Variants in KDM5B observed in about 807,000 individuals in gnomAD.
KDM5B encodes the protein lysine-specific demethylase 5B.
KDM5B carries 144 observed loss-of-function variants against 193.4 expected under a neutral mutation model. The observed-to-expected ratio is 0.74, with a 90% CI of 0.65 to 0.86. KDM5B has a LOEUF of 0.86. Ranked by LOEUF, KDM5B falls within the 40% of genes least tolerant of loss-of-function variation. The pLI, the probability that KDM5B is intolerant of heterozygous loss-of-function variation, is 0.00. For synonymous variants in KDM5B, 668 were observed against 682.6 expected, an observed-to-expected ratio of 0.98 and a Z score of 0.33; for missense variants, 1,833 against 1,886.9, an observed-to-expected ratio of 0.97 and a Z score of 0.53.
chr1:202,730,845 A>T (rs1400454444), intron 25 of KDM5B, 64 bp downstream of exon 25: 19 of 1,461,392 alleles, frequency 1.3e-5, no homozygotes, highest in Non-Finnish European at 1.7e-5. Flanking sequence ...TGTTTCGAGG[A>T]GTAAAATAAA....
rs1656487182 is a variant in KDM5B at position 202,766,914 on chromosome 1, T to C, written c.711+12A>G. ...GAGAATTCCTTTTAAATTAACCTCATGAGGCTCTTACCTCTGCTCTCATGC... is the reference window on the plus strand; with the variant it reads ...GAGAATTCCTTTTAAATTAACCTCACGAGGCTCTTACCTCTGCTCTCATGC... On this transcript the variant is annotated intron_variant, in intron 5 of 26. Transcript: ENST00000367265. The C allele has an allele frequency of 1.3e-6, 2 of 1,564,598 alleles. No individual in the cohort carries two copies. Among genetic ancestry groups the C allele is most frequent in the South Asian group, 1.2e-5 (1 of 82,116 alleles).
At chr1:202,774,892 T>G (rs1276498702) in intron 2 of KDM5B, among the ~76,000 whole-genome samples, 157 bp from the exon 3 acceptor site, 3 of 152,190 alleles carry the variant, frequency 2.0e-5, no homozygotes, top group Admixed American at 1.3e-4. Context: ...ATAATACCAC[T>G]TTCTAAATTC....
intron 2 of KDM5B, among the ~76,000 whole-genome samples, chr1:202,775,699 T>C (rs1381198614): frequency 1.4e-5 from 2 of 145,224 alleles, no homozygotes; most frequent in African/African-American, 5.1e-5. Flanking sequence ...CTACTAAAAA[T>C]ACAAAAATTA....
chr1:202,737,723 T>C (rs1273057563), intron 20 of KDM5B, among the ~76,000 whole-genome samples: 10 of 152,114 alleles, frequency 6.6e-5, no homozygotes, highest in Middle Eastern at 3.2e-3. Flanking sequence ...AGGTGGAGCA[T>C]ACCATGGGAT....
chr1:202,762,020 T>C (rs766187219), intron 7 of KDM5B, among the ~76,000 whole-genome samples: 12 of 152,150 alleles, frequency 7.9e-5, no homozygotes, highest in Admixed American at 3.9e-4. Flanking sequence ...GAATAATTTC[T>C]AGTTCCAAGA....
At chr1:202,790,168 GGCA>G (rs1657587391) in intron 1 of KDM5B, among the ~76,000 whole-genome samples, 2 of 152,128 alleles carry the variant, frequency 1.3e-5, no homozygotes, top group South Asian at 4.1e-4. Flanking sequence ...AGGAGGCTGA[GGCA>G]GGAGAATCTC....
chr1:202,729,362 A>G, intron 26 of KDM5B, 189 bp from the exon 27 acceptor site: 1 of 654,286 alleles, frequency 1.5e-6, no homozygotes, highest in Middle Eastern at 4.2e-4. Context: ...AGTCAAAGTC[A>G]TTCTTCAAGT....
At chr1:202,793,526 T>G (rs142300302) in intron 1 of KDM5B, among the ~76,000 whole-genome samples, 1 of 152,172 alleles carries the variant, frequency 6.6e-6, no homozygotes, top group African/African-American at 2.4e-5. Context: ...ATTTTACAGA[T>G]AGGTTAATAG....
At chr1:202,806,214 G>A (rs1006060253) in intron 1 of KDM5B, among the ~76,000 whole-genome samples, 4 of 152,152 alleles carry the variant, frequency 2.6e-5, no homozygotes, top group African/African-American at 7.2e-5. Flanking sequence ...ATTTACCCCA[G>A]CCCTGGTATA....
Position 202,755,414 on chromosome 1 carries a change from T to C in KDM5B, c.1395A>G (p.Pro465=). The change falls in exon 11 of 27, where the codon CCA becomes CCG. Residue 465 remains proline (P), a synonymous_variant. Transcript: ENST00000367265. The part of the protein sequence containing the change: ...LDSGWNLNNM[P]VMEQSVLAHI... ...GTGCAAGGACAGACTGCTCCATCAC[T>C]GGCATGTTGTTCAAATTCCAGCCAC... is the stretch of plus-strand genomic sequence containing the variant. The C allele has an allele frequency of 1.9e-6, 3 of 1,613,846 alleles. No individual in the cohort carries two copies. The highest frequency in any genetic ancestry group is 1.1e-5 in the South Asian group (1 of 91,046).
At chr1:202,730,453 G>A (rs1022133433) in intron 25 of KDM5B, among the ~76,000 whole-genome samples, 2 of 152,150 alleles carry the variant, frequency 1.3e-5, no homozygotes, top group African/African-American at 4.8e-5. Flanking sequence ...CCTTCTTGAA[G>A]GATGTACACC....
chr1:202,782,460 A>G lies in KDM5B; in HGVS notation c.205-5366T>C, dbSNP rs531891142. ...AGCAATCCTCACACCTAGGCCTCCC[A>G]AAGTGCCAGGATTACAGGTGTGAGG... On this transcript the variant is annotated intron_variant, in intron 1 of 26. Coordinates refer to ENST00000367265, the MANE Select transcript of KDM5B (RefSeq NM_006618.5). Among the ~76,000 whole-genome samples the G allele has an allele frequency of 2.1e-3, 321 of 152,250 alleles. 1 individual carries two copies. Among genetic ancestry groups the G allele is most frequent in the Non-Finnish European group, 3.4e-3 (231 of 68,000 alleles).
At chr1:202,778,560 A>G (rs1426440036) in intron 1 of KDM5B, among the ~76,000 whole-genome samples, 1 of 152,210 alleles carries the variant, frequency 6.6e-6, no homozygotes, top group African/African-American at 2.4e-5. Flanking sequence ...ATTTTAATAC[A>G]ATGAAAAAAG....
At chr1:202,798,642 T>C (rs1657949901) in intron 1 of KDM5B, among the ~76,000 whole-genome samples, 2 of 152,066 alleles carry the variant, frequency 1.3e-5, no homozygotes, top group Admixed American at 1.3e-4. Flanking sequence ...GGTGGGATCA[T>C]TTGAGCCCAG....
intron 4 of KDM5B, among the ~76,000 whole-genome samples, chr1:202,769,368 C>T (rs1398485407): frequency 1.3e-5 from 2 of 149,732 alleles, no homozygotes; most frequent in Non-Finnish European, 3.0e-5. Context: ...TAGTTAAGCA[C>T]TTACATTCTG....
intron 1 of KDM5B, among the ~76,000 whole-genome samples, chr1:202,783,544 T>C (rs1203144447): frequency 6.6e-6 from 1 of 152,158 alleles, no homozygotes; most frequent in Non-Finnish European, 1.5e-5. Flanking sequence ...AAAATAGTTT[T>C]ATTTTAACCC....
intron 25 of KDM5B, among the ~76,000 whole-genome samples, chr1:202,730,248 T>A (rs1442148682): frequency 2.0e-5 from 3 of 152,156 alleles, no homozygotes; most frequent in African/African-American, 4.8e-5. Context: ...TACCAAAGGA[T>A]CACTGGAAAA....
At chr1:202,780,601 T>C (rs567254795) in intron 1 of KDM5B, among the ~76,000 whole-genome samples, 10 of 152,182 alleles carry the variant, frequency 6.6e-5, no homozygotes, top group African/African-American at 2.2e-4. Context: ...AAAATGTAAG[T>C]ATCAGTAGAG....
At chr1:202,792,154 T>C (rs1364722422) in intron 1 of KDM5B, among the ~76,000 whole-genome samples, 1 of 152,232 alleles carries the variant, frequency 6.6e-6, no homozygotes, top group Non-Finnish European at 1.5e-5. Flanking sequence ...TCTGATTAAT[T>C]TGAAGTCAAC....
Sources: gnomAD v4.1 joint callset for allele counts (sites outside exome capture counted in the v4.1 genomes callset) on GRCh38, gnomAD v4.1.1 for gene constraint, MANE v1.5 for transcripts, NCBI Gene and HGNC (gene_info 2026-07-23, HGNC 2026-07-21) for gene names.